The following NEGR1 variants were observed in gnomAD, a reference collection of about 807,000 sequenced individuals.
NEGR1 encodes the protein IgLON family member 4.
NEGR1 carries 10 observed loss-of-function variants against 40.9 expected under a neutral mutation model. The observed-to-expected ratio is 0.24, with a 90% CI of 0.15 to 0.42. The LOEUF is 0.42. Among genes scored for constraint, NEGR1 ranks in the 10% least tolerant of loss-of-function variants. NEGR1 has a pLI of 1.00. For synonymous variants in NEGR1, 185 were observed against 166.8 expected (o/e 1.11, Z -0.84); for missense variants, 352 against 438.9 (o/e 0.80, Z 1.77).
intron 5 of NEGR1, among the ~76,000 whole-genome samples, chr1:71,598,751 A>G (rs1205163795): frequency 6.6e-6 from 1 of 152,258 alleles, no homozygotes; most frequent in East Asian, 1.9e-4. Flanking sequence ...AGTATTTTAG[A>G]GTAATCCTAA....
chr1:72,063,529 T>TACTGGAAATAACAGTGACTTTAGAATG (rs1401898574), intron 1 of NEGR1, among the ~76,000 whole-genome samples: 3 of 151,812 alleles, frequency 2.0e-5, no homozygotes, highest in Non-Finnish European at 2.9e-5. Context: ...ATGCACAGTG[T>TACTGGAAATAACAGTGACTTTAGAATG]ACTGGAAATA....
chr1:71,897,844 C>G (rs1661015554), intron 2 of NEGR1, among the ~76,000 whole-genome samples: 2 of 152,214 alleles, frequency 1.3e-5, no homozygotes, highest in South Asian at 2.1e-4. Context: ...GCAGGCATAA[C>G]TGAACATTTA....
At chr1:71,647,986 T>C (rs1264750975) in intron 4 of NEGR1, among the ~76,000 whole-genome samples, 3 of 151,968 alleles carry the variant, frequency 2.0e-5, no homozygotes, top group Non-Finnish European at 2.9e-5. Flanking sequence ...TAAAAGTCTA[T>C]ATATATAGTG....
chr1:71,813,560 C>G (rs966823474), intron 2 of NEGR1, among the ~76,000 whole-genome samples: 4 of 152,064 alleles, frequency 2.6e-5, no homozygotes, highest in Non-Finnish European at 4.4e-5. Context: ...TCTTCCTATC[C>G]ATGAGAATGG....
intron 3 of NEGR1, among the ~76,000 whole-genome samples, chr1:71,741,137 C>T (rs1355329430): frequency 6.6e-6 from 1 of 152,174 alleles, no homozygotes; most frequent in African/African-American, 2.4e-5. Context: ...CATTACTGCT[C>T]TAAGAAGAAG....
At chr1:71,425,677 C>T (rs989423499) in intron 6 of NEGR1, among the ~76,000 whole-genome samples, 1 of 151,956 alleles carries the variant, frequency 6.6e-6, no homozygotes, top group East Asian at 1.9e-4. Flanking sequence ...ATATCTGAGT[C>T]GGAACACTTC....
chr1:71,900,715 A>C (rs1002056936), intron 2 of NEGR1, among the ~76,000 whole-genome samples: 2 of 152,216 alleles, frequency 1.3e-5, no homozygotes, highest in African/African-American at 4.8e-5. Context: ...ACAATGATAG[A>C]TGCTAGAAAT....
intron 2 of NEGR1, among the ~76,000 whole-genome samples, chr1:71,912,838 T>C (rs182391209): frequency 1.3e-5 from 2 of 152,304 alleles, no homozygotes; most frequent in South Asian, 2.1e-4. Context: ...TACATGTATA[T>C]ATGTATTTAT....
chr1:72,066,650 G>A (rs539219034), intron 1 of NEGR1, among the ~76,000 whole-genome samples: 16 of 152,224 alleles, frequency 1.1e-4, no homozygotes, highest in African/African-American at 3.9e-4. Context: ...CACATGCACA[G>A]AGAAAAGGCC....
chr1:71,566,776 T>C (rs1282530490), intron 6 of NEGR1, among the ~76,000 whole-genome samples: 1 of 152,090 alleles, frequency 6.6e-6, no homozygotes, highest in Non-Finnish European at 1.5e-5. Flanking sequence ...ATAGACTGGG[T>C]GGCTTATAAA....
At chr1:71,709,710 A>G (rs1444658779) in intron 3 of NEGR1, among the ~76,000 whole-genome samples, 2 of 152,202 alleles carry the variant, frequency 1.3e-5, no homozygotes, top group African/African-American at 4.8e-5. Flanking sequence ...TATACAAAAA[A>G]TCAAATAAAA....
At chr1:71,595,504 G>A (rs777817509) in intron 5 of NEGR1, among the ~76,000 whole-genome samples, 13 of 152,180 alleles carry the variant, frequency 8.5e-5, no homozygotes, top group Non-Finnish European at 1.5e-4. Context: ...TGGTGTATAT[G>A]TCTAGAGAAT....
intron 1 of NEGR1, among the ~76,000 whole-genome samples, chr1:71,993,339 G>T (rs1239966404): frequency 2.0e-5 from 3 of 152,168 alleles, no homozygotes; most frequent in Non-Finnish European, 2.9e-5. Flanking sequence ...ACAGAGAGGA[G>T]ACTTAAGAGC....
intron 1 of NEGR1, among the ~76,000 whole-genome samples, chr1:72,249,375 T>A (rs376670970): frequency 6.6e-6 from 1 of 152,200 alleles, no homozygotes. Flanking sequence ...GGCTAAAATA[T>A]GTTTATTCTT....
intron 6 of NEGR1, among the ~76,000 whole-genome samples, chr1:71,462,399 G>A (rs1345976702): frequency 2.0e-5 from 3 of 152,142 alleles, no homozygotes; most frequent in Admixed American, 1.3e-4. Flanking sequence ...GAGATGCAAA[G>A]AGGAAAATCA....
intron 1 of NEGR1, among the ~76,000 whole-genome samples, chr1:72,143,965 G>C (rs1158179612): frequency 1.5e-5 from 2 of 131,290 alleles, no homozygotes; most frequent in Non-Finnish European, 3.3e-5. Flanking sequence ...TTTTCAACTG[G>C]GGAGAGATTT....
intron 1 of NEGR1, among the ~76,000 whole-genome samples, chr1:71,980,691 C>A (rs933347543): frequency 6.6e-6 from 1 of 152,086 alleles, no homozygotes; most frequent in Admixed American, 6.6e-5. Context: ...CAAGGCTCAA[C>A]CTCAGTATCA....
At chr1:72,051,538 A>C (rs1239919801) in intron 1 of NEGR1, among the ~76,000 whole-genome samples, 2 of 151,448 alleles carry the variant, frequency 1.3e-5, no homozygotes, top group Non-Finnish European at 3.0e-5. Flanking sequence ...ATCGAAAAAA[A>C]TTTCTTATTT....
intron 2 of NEGR1, among the ~76,000 whole-genome samples, chr1:71,916,266 T>A (rs1661579307): frequency 1.3e-5 from 2 of 152,182 alleles, no homozygotes; most frequent in Admixed American, 1.3e-4. Flanking sequence ...AAATAAAGTA[T>A]AAAGCATAAA....
Sources: gnomAD v4.1 joint callset for allele counts (sites outside exome capture counted in the v4.1 genomes callset) on GRCh38, gnomAD v4.1.1 for gene constraint, MANE v1.5 for transcripts, NCBI Gene and HGNC (gene_info 2026-07-23, HGNC 2026-07-21) for gene names.